Variants in IFTAP observed in about 807,000 individuals in gnomAD.
IFTAP encodes the protein intraflagellar transport associated protein.
IFTAP carries 19 observed loss-of-function variants against 19.4 expected under a neutral mutation model. That is an observed-to-expected ratio of 0.98 (90% CI 0.68 to 1.44). IFTAP has a LOEUF of 1.44. Among genes scored for constraint, IFTAP ranks in the 40% most tolerant of loss-of-function variants. IFTAP has a pLI of 0.00. For missense variants in IFTAP, 240 were observed against 253.6 expected, an observed-to-expected ratio of 0.95 and a Z score of 0.36; for synonymous variants, 85 against 83.5, an observed-to-expected ratio of 1.02 and a Z score of -0.10.
rs775671854 is a variant in IFTAP at position 36,648,249 on chromosome 11, C to T, written c.498+94C>T. The T allele has an allele frequency of 4.3e-5, 62 of 1,426,958 alleles. No homozygotes were observed. In the South Asian group the frequency reaches 5.4e-4, roughly 13 times the overall value. 88.4% of individuals were successfully genotyped at this position (1,426,958 alleles called of 1,614,324 possible). A position where few individuals can be genotyped will look rare whatever the true frequency, so the allele number is the denominator to read the frequency against. On this transcript the variant is annotated intron_variant, in intron 5 of 5. Coordinates refer to ENST00000334307, the MANE Select transcript of IFTAP (RefSeq NM_138787.4). The stretch of plus-strand genomic sequence containing the variant: ...GCTGCATGCTTCTGTATTTTTCTAA[C>T]ATTTGGGAAAATATAAAATTCAAGT...
intron 4 of IFTAP, among the ~76,000 whole-genome samples, chr11:36,641,737 GA>G (rs1398998183): frequency 1.3e-5 from 2 of 152,128 alleles, no homozygotes; most frequent in East Asian, 3.8e-4. Flanking sequence ...GTGCTGAGAA[GA>G]ATGTATACTC....
At chr11:36,645,956 T>C (rs902477229) in intron 4 of IFTAP, among the ~76,000 whole-genome samples, 1 of 152,180 alleles carries the variant, frequency 6.6e-6, no homozygotes, top group Non-Finnish European at 1.5e-5. Context: ...TATAAGGTGC[T>C]ATGTTAGGCA....
At chr11:36,610,027 C>G in intron 1 of IFTAP, 54 bp from the exon 2 acceptor site, 1 of 1,499,758 alleles carries the variant, frequency 6.7e-7, no homozygotes, top group Non-Finnish European at 9.1e-7. Flanking sequence ...AGAATATTTT[C>G]AAAGGGGCTG....
intron 5 of IFTAP, among the ~76,000 whole-genome samples, chr11:36,652,325 G>C (rs955989131): frequency 1.3e-5 from 2 of 152,180 alleles, no homozygotes; most frequent in Admixed American, 6.5e-5. Context: ...TTGTGAATGG[G>C]AGTTCACACA....
chr11:36,622,275 G>A (rs1298240515), intron 2 of IFTAP, among the ~76,000 whole-genome samples: 1 of 151,854 alleles, frequency 6.6e-6, no homozygotes, highest in East Asian at 1.9e-4. Context: ...CTTCTTCTAA[G>A]AAGTATTTAC....
At chr11:36,652,312 C>T (rs538271707) in intron 5 of IFTAP, among the ~76,000 whole-genome samples, 1 of 152,252 alleles carries the variant, frequency 6.6e-6, no homozygotes, top group South Asian at 2.1e-4. Context: ...CTCTTTGAAG[C>T]AATTGTGAAT....
At chr11:36,598,201 G>A (rs1851358749) in intron 1 of IFTAP, 2 of 152,022 alleles carry the variant, frequency 1.3e-5, no homozygotes, top group Admixed American at 1.3e-4. Flanking sequence ...TGCCCACTAT[G>A]ACTGTGGCAA....
At chr11:36,623,536 T>G (rs577863690) in intron 2 of IFTAP, among the ~76,000 whole-genome samples, 20 of 152,296 alleles carry the variant, frequency 1.3e-4, no homozygotes, top group African/African-American at 4.8e-4. Context: ...TATTATAGCT[T>G]ACAGAATTTT....
chr11:36,624,833 T>C (rs972361292), intron 2 of IFTAP, among the ~76,000 whole-genome samples: 1 of 147,064 alleles, frequency 6.8e-6, no homozygotes, highest in African/African-American at 2.6e-5. Context: ...GATGACTTTG[T>C]GGAGCAAGGT....
intron 2 of IFTAP, among the ~76,000 whole-genome samples, chr11:36,615,923 A>C (rs1435250791): frequency 2.6e-5 from 4 of 151,990 alleles, no homozygotes; most frequent in Admixed American, 2.6e-4. Flanking sequence ...TGAAAGAAAA[A>C]GGCAATTTCT....
intron 4 of IFTAP, among the ~76,000 whole-genome samples, chr11:36,643,936 G>C (rs534908990): frequency 3.4e-4 from 51 of 152,164 alleles, no homozygotes; most frequent in Non-Finnish European, 5.6e-4. Context: ...ACACAGGCAT[G>C]GGCAAGGACT....
chr11:36,636,402 T>A (rs979368550), intron 4 of IFTAP, among the ~76,000 whole-genome samples: 4 of 152,208 alleles, frequency 2.6e-5, no homozygotes, highest in African/African-American at 9.6e-5. Context: ...AGTGGAGCCA[T>A]TGTAAGTCAA....
intron 2 of IFTAP, among the ~76,000 whole-genome samples, chr11:36,626,241 T>C (rs113657047): frequency 0.043 from 6,499 of 151,320 alleles, 787 homozygotes; most frequent in African/African-American, 0.15. Flanking sequence ...GATCAGACAT[T>C]TTTGGCTTTG....
At chr11:36,633,240 G>A (rs763004649) in intron 2 of IFTAP, 44 bp from the exon 3 acceptor site, 2 of 1,390,326 alleles carry the variant, frequency 1.4e-6, no homozygotes, top group Non-Finnish European at 1.9e-6. Context: ...AACCAGACTT[G>A]GTATTGTGGA....
chr11:36,632,085 A>G (rs1852750813), intron 2 of IFTAP, among the ~76,000 whole-genome samples: 1 of 151,314 alleles, frequency 6.6e-6, no homozygotes, highest in East Asian at 1.9e-4. Context: ...CCACTCTGCT[A>G]CTTAACCATC....
intron 4 of IFTAP, among the ~76,000 whole-genome samples, chr11:36,646,379 C>T (rs1409269713): frequency 6.6e-6 from 1 of 152,160 alleles, no homozygotes; most frequent in Non-Finnish European, 1.5e-5. Context: ...TGTACCAGTC[C>T]TAGGCTGTTA....
At chr11:36,654,051 C>T (rs1853860920) in intron 5 of IFTAP, among the ~76,000 whole-genome samples, 1 of 152,136 alleles carries the variant, frequency 6.6e-6, no homozygotes. Context: ...TCTTGGACCC[C>T]TCTTTGGTTA....
intron 5 of IFTAP, among the ~76,000 whole-genome samples, chr11:36,655,160 G>A (rs541609676): frequency 2.6e-5 from 4 of 152,060 alleles, no homozygotes; most frequent in South Asian, 2.1e-4. Context: ...GCTACTCTCC[G>A]ACTTACACTT....
At chr11:36,603,726 A>C (rs980597199) in intron 1 of IFTAP, among the ~76,000 whole-genome samples, 2 of 152,114 alleles carry the variant, frequency 1.3e-5, no homozygotes, top group African/African-American at 4.8e-5. Context: ...GTTTGAGACC[A>C]GCCTGGCCAA....
Sources: allele counts gnomAD v4.1 joint callset (sites outside exome capture counted in the v4.1 genomes callset), GRCh38; gene constraint gnomAD v4.1.1; transcripts MANE v1.5; gene names NCBI Gene and HGNC (gene_info 2026-07-23, HGNC 2026-07-21).